SDK2: variants seen among roughly 807,000 people sequenced by gnomAD.
SDK2 encodes sidekick cell adhesion molecule 2.
In SDK2, 105 loss-of-function variants were observed where a neutral mutation model predicts 253.9. The ratio of observed to expected loss-of-function variants is 0.41; its 90% CI spans 0.35 to 0.49. The LOEUF (loss-of-function observed/expected upper bound fraction) is 0.49. Among genes scored for constraint, SDK2 ranks in the 20% least tolerant of loss-of-function variants. The pLI, the probability that SDK2 is intolerant of heterozygous loss-of-function variation, is 0.06. For synonymous variants in SDK2, 1,249 were observed against 1,234.9 expected, an observed-to-expected ratio of 1.01 and a Z score of -0.24; for missense variants, 2,608 against 3,003.0, an observed-to-expected ratio of 0.87 and a Z score of 3.07.
At chr17:73,347,802 T>C (rs1489301085) in intron 44 of SDK2, among the ~76,000 whole-genome samples, 1 of 152,148 alleles carries the variant, frequency 6.6e-6, no homozygotes, top group East Asian at 1.9e-4. Context: ...CCTGGGACAG[T>C]GTCCCCACGT....
intron 8 of SDK2, among the ~76,000 whole-genome samples, chr17:73,436,179 T>A (rs1567771793): frequency 6.6e-6 from 1 of 152,146 alleles, no homozygotes; most frequent in Non-Finnish European, 1.5e-5. Context: ...GGTCCAGTGT[T>A]CCCTGGGGGG....
intron 11 of SDK2, 52 bp from the exon 12 acceptor site, chr17:73,430,665 G>T: frequency 1.6e-6 from 2 of 1,268,258 alleles, no homozygotes; most frequent in Non-Finnish European, 2.1e-6. Context: ...GGGGCTGTGT[G>T]GCTGGACTCT....
intron 1 of SDK2, among the ~76,000 whole-genome samples, chr17:73,583,221 C>A (rs1022585790): frequency 1.3e-5 from 2 of 152,248 alleles, no homozygotes; most frequent in African/African-American, 4.8e-5. Context: ...TCCCTGTAGT[C>A]TGCATGCTCC....
chr17:73,603,012 A>T (rs1348540702), intron 1 of SDK2, among the ~76,000 whole-genome samples: 1 of 152,194 alleles, frequency 6.6e-6, no homozygotes, highest in African/African-American at 2.4e-5. Context: ...GGCATGAGCC[A>T]CTGTGCCCAG....
At chr17:73,551,726 C>T (rs1356517166) in intron 1 of SDK2, among the ~76,000 whole-genome samples, 1 of 152,248 alleles carries the variant, frequency 6.6e-6, no homozygotes, top group African/African-American at 2.4e-5. Flanking sequence ...TGGTCCCTGC[C>T]CTCACGGTGC....
At chr17:73,508,243 C>A (rs1173641544) in intron 1 of SDK2, among the ~76,000 whole-genome samples, 1 of 152,276 alleles carries the variant, frequency 6.6e-6, no homozygotes, top group Non-Finnish European at 1.5e-5. Context: ...CTGCTTCCCC[C>A]TCTCTGCAGT....
intron 18 of SDK2, among the ~76,000 whole-genome samples, chr17:73,413,357 C>T (rs930708699): frequency 6.6e-6 from 1 of 151,956 alleles, no homozygotes; most frequent in African/African-American, 2.4e-5. Flanking sequence ...ATGGATTCTA[C>T]ATTGTGGTGA....
At position 73,638,330 on chromosome 17, in the gene SDK2, G is replaced by A. The variant is rs766147285; in HGVS notation, c.64+5695C>T. On this transcript the variant is annotated intron_variant, in intron 1 of 44. Transcript: ENST00000392650. ...TGAAACAAAGCCCCTGCCCTCCAGA[G>A]ACACCAATAATAAACAAACAAGTCA... 3.1e-4 allele frequency among the ~76,000 whole-genome samples: 47 copies of A among 152,322 alleles called. No individual in the cohort carries two copies. In the Middle Eastern group the frequency reaches 0.01, roughly 33 times the overall value.
chr17:73,383,083 A>G lies in SDK2; in HGVS notation c.4705+793T>C, dbSNP rs1421320780. Among the ~76,000 whole-genome samples the G allele has an allele frequency of 6.6e-6, 1 of 152,104 alleles. No individual in the cohort carries two copies. The highest frequency in any genetic ancestry group is 1.5e-5 in the Non-Finnish European group (1 of 68,028). ...GTCCTGGAGCATCTGCGCCCATCAC[A>G]TATCATCTCCCATACTGGCCTCGGT... On this transcript the variant is annotated intron_variant, in intron 33 of 44. Transcript: ENST00000392650. This position sits in a 1 kb window ranked among gnomAD's most constrained non-coding sequence, Gnocchi z 4.3.
At chr17:73,411,995 TACAC>T (rs1383067681) in intron 18 of SDK2, among the ~76,000 whole-genome samples, 2 of 137,000 alleles carry the variant, frequency 1.5e-5, no homozygotes, top group East Asian at 2.1e-4. Flanking sequence ...CGTATATATA[TACAC>T]ACATATATAT....
intron 1 of SDK2, among the ~76,000 whole-genome samples, chr17:73,593,661 T>C (rs1012052729): frequency 1.3e-5 from 2 of 152,194 alleles, no homozygotes; most frequent in South Asian, 4.1e-4. Flanking sequence ...TGTTTACTGA[T>C]CAGATTTGGG....
At chr17:73,345,071 C>A (rs548433048) in intron 44 of SDK2, among the ~76,000 whole-genome samples, 2 of 152,316 alleles carry the variant, frequency 1.3e-5, no homozygotes, top group African/African-American at 4.8e-5. Flanking sequence ...GTAATCCTAG[C>A]ACTTTGGGAG....
intron 1 of SDK2, among the ~76,000 whole-genome samples, chr17:73,615,921 A>C (rs1476265930): frequency 6.6e-6 from 1 of 152,222 alleles, no homozygotes; most frequent in African/African-American, 2.4e-5. Context: ...AGTCACATAC[A>C]TATATACACA....
chr17:73,469,992 G>GCGCA (rs1328450219), intron 3 of SDK2, among the ~76,000 whole-genome samples: 11,541 of 126,152 alleles, frequency 0.091, 580 homozygotes, highest in East Asian at 0.13. Context: ...GCGCGCGCGC[G>GCGCA]CACACACACA....
At chr17:73,363,210 A>G (rs747804481) in intron 38 of SDK2, among the ~76,000 whole-genome samples, 1 of 152,170 alleles carries the variant, frequency 6.6e-6, no homozygotes, top group African/African-American at 2.4e-5. Flanking sequence ...CAGCCTCCCG[A>G]GTAGGCGTCC....
intron 2 of SDK2, among the ~76,000 whole-genome samples, chr17:73,500,576 T>TCA: frequency 6.8e-6 from 1 of 147,844 alleles, no homozygotes; most frequent in East Asian, 2.1e-4. Context: ...CCTCCCTCTG[T>TCA]TCTCCTCCAT....
At chr17:73,491,024 CT>C (rs916042783) in intron 2 of SDK2, among the ~76,000 whole-genome samples, 14 of 152,306 alleles carry the variant, frequency 9.2e-5, no homozygotes, top group African/African-American at 3.1e-4. Flanking sequence ...AGATTTTGTG[CT>C]CTTAACCACC....
Position 73,546,244 on chromosome 17 carries a change from C to T in SDK2, c.65-38647G>A, listed in dbSNP as rs114217436. Reference sequence around the variant, plus strand: ...AGACCTGCCCTCTCTCCTGTGCAGGCGGATGCAGGCGGAGGAGGAAAGAAT... The same window carrying T: ...AGACCTGCCCTCTCTCCTGTGCAGGTGGATGCAGGCGGAGGAGGAAAGAAT... On this transcript the variant is annotated intron_variant, in intron 1 of 44. Coordinates refer to ENST00000392650, the MANE Select transcript of SDK2 (RefSeq NM_001144952.2). 7.7e-3 allele frequency among the ~76,000 whole-genome samples: 1,170 copies of T among 152,296 alleles called. 22 individuals are homozygous for T. Among genetic ancestry groups the T allele is most frequent in the African/African-American group, 0.027 (1,109 of 41,556 alleles).
chr17:73,405,887 T>A (rs1599533166), intron 18 of SDK2, among the ~76,000 whole-genome samples: 1 of 135,208 alleles, frequency 7.4e-6, no homozygotes, highest in African/African-American at 3.6e-5. Context: ...GCCCGGCTAA[T>A]TTTTTTTTTG....
Sources: allele counts gnomAD v4.1 joint callset (sites outside exome capture counted in the v4.1 genomes callset), GRCh38; gene constraint gnomAD v4.1.1; non-coding constraint Gnocchi (gnomAD v3.1); transcripts MANE v1.5; gene names NCBI Gene and HGNC (gene_info 2026-07-23, HGNC 2026-07-21).